The following PPY variants were observed in gnomAD, a reference collection of about 807,000 sequenced individuals.
The protein encoded by PPY is pancreatic polypeptide.
A neutral mutation model predicts 9.3 loss-of-function variants in PPY; 6 were observed. That is an observed-to-expected ratio of 0.64 (90% CI 0.35 to 1.27). The LOEUF (loss-of-function observed/expected upper bound fraction) is 1.27. Ranked by LOEUF, PPY falls within the 50% of genes most tolerant of loss-of-function variation. PPY has a pLI of 0.03. For synonymous variants in PPY, 58 were observed against 54.6 expected (o/e 1.06, Z -0.27); for missense variants, 109 against 119.1 (o/e 0.91, Z 0.40).
At chr17:43,943,690 A>G (rs960689026), upstream of PPY, among the ~76,000 whole-genome samples, 6 of 152,156 alleles carry the variant, frequency 3.9e-5, no homozygotes, top group African/African-American at 1.2e-4. Flanking sequence ...TCAGTATACC[A>G]AGAAGTTGGG....
chr17:43,943,435 G>C (rs990507457), upstream of PPY, among the ~76,000 whole-genome samples: 1 of 152,104 alleles, frequency 6.6e-6, no homozygotes, highest in African/African-American at 2.4e-5. Context: ...GAGGCTCACA[G>C]AGGTAAAGAC....
upstream of PPY, among the ~76,000 whole-genome samples, chr17:43,943,560 A>AAACCCCAGTCTCCCTCCCCT (rs1236405442): frequency 6.6e-6 from 1 of 152,000 alleles, no homozygotes; most frequent in Non-Finnish European, 1.5e-5. Flanking sequence ...GTCTCTTCCC[A>AAACCCCAGTCTCCCTCCCCT]ACCCCCAGTC....
At position 43,941,789 on chromosome 17, in the gene PPY, G is replaced by T. The variant is rs2048581109; in HGVS notation, c.1-135C>A. 6 of 981,660 alleles carry T rather than the reference G, an allele frequency of 6.1e-6. 1 individual carries two copies. The allele number at this position is 981,660 out of a possible 1,614,324, so 60.8% of individuals were successfully genotyped here. A position where few individuals can be genotyped will look rare whatever the true frequency, so the allele number is the denominator to read the frequency against. ...CCTGGGGACAAGGGGGCAGAGCAAA[G>T]GGCCACTCCAAGCTGGCCACTCCAC... On this transcript the variant is annotated intron_variant, in intron 1 of 3. Coordinates refer to ENST00000225992, the MANE Select transcript of PPY (RefSeq NM_002722.5).
At position 43,941,532 on chromosome 17, in the gene PPY, G is replaced by A. The variant is rs545357624; in HGVS notation, c.123C>T (p.Ala41=). The A allele has an allele frequency of 4.3e-6, 7 of 1,614,056 alleles. No homozygotes were observed. In the South Asian group the frequency reaches 6.6e-5, roughly 15 times the overall value. The change falls in exon 2 of 4, where the codon GCC becomes GCT. Residue 41 remains alanine (A), a synonymous_variant. Coordinates refer to ENST00000225992, the MANE Select transcript of PPY (RefSeq NM_002722.5). ...PLEPVYPGDN[A]TPEQMAQYAA... is the part of the protein sequence containing the mutation. ...CATACTGGGCCATCTGCTCTGGTGT[G>A]GCATTGTCCCCTGGGTACACTGGCT...
At chr17:43,942,824 TG>T (rs1392402439), upstream of PPY, among the ~76,000 whole-genome samples, 1 of 152,194 alleles carries the variant, frequency 6.6e-6, no homozygotes, top group African/African-American at 2.4e-5. The surrounding 1 kb of genome is among the most constrained non-coding windows in gnomAD (Gnocchi z 5.3). Context: ...CTAGCTCTCC[TG>T]CCTCCCAAAG....
chr17:43,941,676 G>A (rs2048580161), intron 1 of PPY, 22 bp from the exon 2 acceptor site: 5 of 1,575,486 alleles, frequency 3.2e-6, no homozygotes, highest in Non-Finnish European at 4.3e-6. Flanking sequence ...GCAGAGGGGA[G>A]GTGGAGAGCC....
chr17:43,943,583 T>C (rs998811861), upstream of PPY, among the ~76,000 whole-genome samples: 9 of 152,142 alleles, frequency 5.9e-5, no homozygotes, highest in Non-Finnish European at 7.3e-5. Context: ...CCTCCCCTGC[T>C]TAGGCCAAGG....
At position 43,940,922 on chromosome 17, in the gene PPY, G is replaced by A; in HGVS notation, c.*6C>T. On this transcript the variant is annotated 3_prime_UTR_variant, in exon 4 of 4. Coordinates refer to ENST00000225992, the MANE Select transcript of PPY (RefSeq NM_002722.5). ...CTCATGGAGTCGTAGGAGACAGAAGGTGGCATTATAAGTCCAGCGGGCTGA... is the reference window on the plus strand; with the variant it reads ...CTCATGGAGTCGTAGGAGACAGAAGATGGCATTATAAGTCCAGCGGGCTGA... The A allele has an allele frequency of 1.2e-6, 2 of 1,607,268 alleles. No individual in the cohort carries two copies. Among genetic ancestry groups the A allele is most frequent in the Non-Finnish European group, 8.5e-7 (1 of 1,177,120 alleles).
upstream of PPY, among the ~76,000 whole-genome samples, chr17:43,943,129 A>G (rs987905314): frequency 1.8e-4 from 28 of 152,152 alleles, no homozygotes; most frequent in African/African-American, 6.5e-4. Context: ...GGTTTCCAGT[A>G]TCCATTTCCC....
Position 43,941,284 on chromosome 17 carries a change from G to A in PPY, c.192-70C>T. 4 of 1,522,760 alleles carry A rather than the reference G, an allele frequency of 2.6e-6. No individual in the cohort carries two copies. The South Asian group carries it at 3.6e-5, about 14-fold the overall frequency. The allele number at this position is 1,522,760 out of a possible 1,614,324, so 94.3% of individuals were successfully genotyped here. ...CAGCCCACCTGTTTCATATCTGCCT[G>A]TAGGCACCATCTTGCCCAGGGCACA... On this transcript the variant is annotated intron_variant, in intron 2 of 3. Transcript: ENST00000225992.
chr17:43,941,659 G>A lies in PPY; in HGVS notation c.1-5C>T. Reference sequence around the variant, plus strand: ...GCAGAGGCGTGCGGCAGCCATCTGAGGAGCAAGCAGAGGGGAGGTGGAGAG... The same window carrying A: ...GCAGAGGCGTGCGGCAGCCATCTGAAGAGCAAGCAGAGGGGAGGTGGAGAG... On this transcript the variant is annotated splice_polypyrimidine_tract_variant and splice_region_variant and intron_variant, in intron 1 of 3. Coordinates refer to ENST00000225992, the MANE Select transcript of PPY (RefSeq NM_002722.5). 1 of 1,593,644 alleles carries A rather than the reference G, an allele frequency of 6.3e-7. No homozygotes were observed. The highest frequency in any genetic ancestry group is 8.5e-7 in the Non-Finnish European group (1 of 1,170,622).
chr17:43,942,887 A>G (rs1273922168), upstream of PPY, among the ~76,000 whole-genome samples: 2 of 152,224 alleles, frequency 1.3e-5, no homozygotes, highest in Non-Finnish European at 2.9e-5. The surrounding 1 kb of genome is among the most constrained non-coding windows in gnomAD (Gnocchi z 5.3). Context: ...TTGAGGCTGC[A>G]GCTGGAAGAC....
chr17:43,941,728 T>C, intron 1 of PPY, 74 bp from the exon 2 acceptor site: 2 of 1,403,068 alleles, frequency 1.4e-6, no homozygotes, highest in Non-Finnish European at 1.9e-6. Context: ...AGGGCCCAAC[T>C]ATCCAGCCCC....
At chr17:43,941,711 A>G (rs1435655056) in intron 1 of PPY, 57 bp from the exon 2 acceptor site, 10 of 1,489,494 alleles carry the variant, frequency 6.7e-6, no homozygotes, top group Non-Finnish European at 9.1e-6. Context: ...TCCCGTGCCC[A>G]GGAAGCAGGG....
At chr17:43,941,350 A>C in intron 2 of PPY, 114 bp downstream of exon 2, 6 of 1,536,070 alleles carry the variant, frequency 3.9e-6, no homozygotes, top group Non-Finnish European at 5.3e-6. Context: ...TGTTTTCCCA[A>C]GAGCAGGCCT....
At position 43,942,137 on chromosome 17, in the gene PPY, G is replaced by A. The variant is rs773838949; in HGVS notation, c.-1+284C>T. 11 of 191,140 alleles carry A rather than the reference G, an allele frequency of 5.8e-5. No individual in the cohort carries two copies. Among genetic ancestry groups the A allele is most frequent in the Admixed American group, 1.6e-4 (3 of 18,994 alleles). The allele number at this position is 191,140 out of a possible 1,614,324, so 11.8% of individuals were successfully genotyped here. The stretch of plus-strand genomic sequence containing the variant: ...TGGAGAAGACGCTACTGTCCATGTC[G>A]TCCTGCACAGACCAGCAAAGGCACT... On this transcript the variant is annotated intron_variant, in intron 1 of 3. Coordinates refer to ENST00000225992, the MANE Select transcript of PPY (RefSeq NM_002722.5). This position sits in a 1 kb window ranked among gnomAD's most constrained non-coding sequence, Gnocchi z 5.3.
intron 3 of PPY, 90 bp from the exon 4 acceptor site, chr17:43,941,042 T>G (rs551782462): frequency 1.1e-5 from 17 of 1,548,536 alleles, no homozygotes; most frequent in African/African-American, 1.4e-5. Context: ...CTGTTCTCCC[T>G]CTTCCACCCC....
In PPY at chr17:43,942,415, A is replaced by G. The variant is rs968733617; in HGVS notation, c.-1+6T>C. ...CCAGAGCCCCAGGCAGGCTGAGCCC[A>G]CTTACCCGGAGTCCAGAGTAAATGG... On this transcript the variant is annotated splice_donor_region_variant and intron_variant, in intron 1 of 3. Transcript: ENST00000225992. This position sits in a 1 kb window ranked among gnomAD's most constrained non-coding sequence, Gnocchi z 5.3. The G allele has an allele frequency of 1.3e-5, 2 of 152,294 alleles. No homozygotes were observed. Among genetic ancestry groups the G allele is most frequent in the African/African-American group, 4.8e-5 (2 of 41,436 alleles). 9.4% of individuals were successfully genotyped at this position (152,294 alleles called of 1,614,324 possible).
In PPY at chr17:43,941,144, T is replaced by G. The variant is rs566263713; in HGVS notation, c.262A>C (p.Arg88=). The G allele has an allele frequency of 2.4e-5, 38 of 1,551,628 alleles. No homozygotes were observed. The South Asian group carries it at 4.3e-4, about 17-fold the overall frequency. Residue 88 remains arginine (R), a splice_region_variant and synonymous_variant, in exon 3 of 4, where the codon AGG becomes CGG. Transcript: ENST00000225992. ...GACAGGGCAGGGAGTCAAACTCACC[T>G]GGGGACAGCAGCATGCGGGGACCCC... ...EWGSPHAAVP[R]ELSPLDL
Sources: allele counts gnomAD v4.1 joint callset (sites outside exome capture counted in the v4.1 genomes callset), GRCh38; gene constraint gnomAD v4.1.1; non-coding constraint Gnocchi (gnomAD v3.1); transcripts MANE v1.5; gene names NCBI Gene and HGNC (gene_info 2026-07-23, HGNC 2026-07-21).